C16orf89: variants seen among roughly 807,000 people sequenced by gnomAD.
C16orf89 encodes chromosome 16 open reading frame 89.
C16orf89 carries 57 observed loss-of-function variants against 41.5 expected under a neutral mutation model. That is an observed-to-expected ratio of 1.38 (90% confidence interval 1.11 to 1.71). The LOEUF is 1.71. Ranked by LOEUF, C16orf89 falls within the 40% of genes most tolerant of loss-of-function variation. The pLI, the probability that C16orf89 is intolerant of heterozygous loss-of-function variation, is 0.00. For synonymous variants in C16orf89, 223 were observed against 190.6 expected (o/e 1.17, Z -1.40); for missense variants, 575 against 445.9 (o/e 1.29, Z -2.61).
At chr16:5,043,969 AG>A (rs1956245299), downstream of C16orf89, 1 of 262,616 alleles carries the variant, frequency 3.8e-6, no homozygotes, top group Non-Finnish European at 5.9e-6. Flanking sequence ...CAGTGAGCCT[AG>A]GTGACAGAGC....
Position 5,060,425 on chromosome 16 carries a change from T to C in C16orf89, c.370A>G (p.Thr124Ala). The stretch of plus-strand genomic sequence containing the variant: ...AGCTTCCAAAACCCGGGCTGGAGGG[T>C]CAGCTGGAACTCTGGCAGAGAGGAC... The part of the protein sequence containing the change: ...DPKYLREFQL[T>A]LQPGFWKLPH... Residue 124 changes from threonine to alanine, a missense_variant, in exon 3 of 8, where the codon ACC becomes GCC. Thr to Ala is a moderately conservative substitution (Grantham distance 58, BLOSUM62 0). Transcript: ENST00000472572. 6.2e-7 allele frequency: 1 copy of C among 1,611,954 alleles called. No homozygotes were observed. Among genetic ancestry groups the C allele is most frequent in the Non-Finnish European group, 8.5e-7 (1 of 1,179,148 alleles).
In C16orf89 at chr16:5,056,326, T is replaced by G. The variant is rs551217049; in HGVS notation, c.628-138A>C. The G allele has an allele frequency of 5.0e-5, 37 of 739,006 alleles. No homozygotes were observed. In the East Asian group the frequency reaches 9.9e-4, roughly 20 times the overall value. The allele number at this position is 739,006 out of a possible 1,614,324, so 45.8% of individuals were successfully genotyped here. ...AGGGCTGTGTTTAGGGCAGGTCTTT[T>G]TCTCCTTTTCGCAGGATTTCTTCCC... On this transcript the variant is annotated intron_variant, in intron 4 of 7. Coordinates refer to ENST00000472572, the MANE Select transcript of C16orf89 (RefSeq NM_001098514.3).
At chr16:5,044,530 A>G (rs1956258842) in intron 7 of C16orf89, 52 bp from the exon 8 acceptor site, 1 of 1,607,596 alleles carries the variant, frequency 6.2e-7, no homozygotes, top group Non-Finnish European at 8.5e-7. Context: ...TTGGCCCTTT[A>G]TTCAACACAG....
intron 2 of C16orf89, among the ~76,000 whole-genome samples, chr16:5,062,053 C>T (rs895670044): frequency 3.9e-5 from 6 of 152,178 alleles, no homozygotes; most frequent in Non-Finnish European, 8.8e-5. Context: ...AATTTGGTGA[C>T]ATGGGACACT....
intron 6 of C16orf89, among the ~76,000 whole-genome samples, chr16:5,051,867 A>T (rs1956402816): frequency 6.6e-6 from 1 of 152,148 alleles, no homozygotes; most frequent in African/African-American, 2.4e-5. Flanking sequence ...TGGGAGGTCG[A>T]GGTAGGCAGA....
At position 5,058,526 on chromosome 16, in the gene C16orf89, G is replaced by A. The variant is rs368721132; in HGVS notation, c.594C>T (p.Ser198=). 58 of 1,611,922 alleles carry A rather than the reference G, an allele frequency of 3.6e-5. No individual in the cohort carries two copies. Among genetic ancestry groups the A allele is most frequent in the Non-Finnish European group, 4.7e-5 (55 of 1,179,358 alleles). Residue 198 remains serine, a synonymous_variant, in exon 4 of 8, where the codon TCC becomes TCT. Transcript: ENST00000472572. Reference sequence around the variant, plus strand: ...CCCAGAGGAAGAAGAGCAGTTGGTGGGACAGGCAGTAGCCTGAGCAGCCGG... The same window carrying A: ...CCCAGAGGAAGAAGAGCAGTTGGTGAGACAGGCAGTAGCCTGAGCAGCCGG... ...TKPGCSGYCL[S]HQLLFFLWAR...
At chr16:5,062,663 T>C (rs1186862944) in intron 1 of C16orf89, 89 bp from the exon 2 acceptor site, 2 of 1,372,354 alleles carry the variant, frequency 1.5e-6, no homozygotes, top group African/African-American at 1.5e-5. Flanking sequence ...CCCCAAAGTC[T>C]AATGCTTCCT....
chr16:5,058,631 G>A, intron 3 of C16orf89, 21 bp from the exon 4 acceptor site: 2 of 1,577,512 alleles, frequency 1.3e-6, no homozygotes, highest in Non-Finnish European at 1.7e-6. Flanking sequence ...GTGGTTCCAA[G>A]CTGTTAAGGA....
chr16:5,059,147 GGAGAATCACTT>G (rs1205203129), intron 3 of C16orf89, among the ~76,000 whole-genome samples: 1 of 151,912 alleles, frequency 6.6e-6, no homozygotes, highest in African/African-American at 2.4e-5. Context: ...GGCTGAGGCA[GGAGAATCACTT>G]GAGAATCACT....
rs184660255 is a variant in C16orf89 at position 5,062,542 on chromosome 16, G to A, written c.241C>T (p.Gln81Ter). Reference protein sequence around the residue: ...QLKSVREKWAQEPLLQPLSLR... With the variant: ...QLKSVREKWA ...CTCAGCGGCTGCAGCAGGGGCTCCT[G>A]GGCCCACTTCTCCCGGACACTTTTT... is the stretch of plus-strand genomic sequence containing the variant. The change falls in exon 2 of 8, where the codon CAG becomes TAG. Residue 81 changes from glutamine to a stop codon, truncating the protein, a stop_gained. Coordinates refer to ENST00000472572, the MANE Select transcript of C16orf89 (RefSeq NM_001098514.3). LOFTEE classifies it high-confidence loss of function. The A allele has an allele frequency of 1.0e-4, 167 of 1,613,280 alleles. No homozygotes were observed. The highest frequency in any genetic ancestry group is 7.2e-4 in the Admixed American group (43 of 59,846).
At chr16:5,055,990 TGTGTGTGTGTTG>T in intron 5 of C16orf89, 51 bp downstream of exon 5, 1 of 947,062 alleles carries the variant, frequency 1.1e-6, no homozygotes, top group Non-Finnish European at 1.6e-6. Flanking sequence ...TGTGTGTGTG[TGTGTGTGTGTTG>T]GTGGGGGGAC....
At chr16:5,047,599 C>A (rs538667300) in intron 7 of C16orf89, among the ~76,000 whole-genome samples, 1 of 152,096 alleles carries the variant, frequency 6.6e-6, no homozygotes, top group South Asian at 2.1e-4. Context: ...TCCCGAGTAA[C>A]TGGGACTACA....
chr16:5,058,056 T>A (rs1956545370), intron 4 of C16orf89, among the ~76,000 whole-genome samples: 2 of 152,042 alleles, frequency 1.3e-5, no homozygotes, highest in African/African-American at 2.4e-5. Context: ...CAAGTAGAAA[T>A]CCAAAGCTCT....
At chr16:5,062,729 G>T (rs1353845471) in intron 1 of C16orf89, among the ~76,000 whole-genome samples, 155 bp from the exon 2 acceptor site, 2 of 152,196 alleles carry the variant, frequency 1.3e-5, no homozygotes, top group Non-Finnish European at 2.9e-5. Context: ...TGAGCTGACT[G>T]GAAATGAGGC....
chr16:5,054,050 C>T (rs1343754551), intron 6 of C16orf89, among the ~76,000 whole-genome samples: 8 of 152,302 alleles, frequency 5.3e-5, no homozygotes, highest in South Asian at 2.1e-4. Flanking sequence ...CCCAACCCGC[C>T]GAAGCTATAC....
At chr16:5,046,699 T>G (rs1190437539) in intron 7 of C16orf89, among the ~76,000 whole-genome samples, 2 of 152,182 alleles carry the variant, frequency 1.3e-5, no homozygotes, top group Non-Finnish European at 2.9e-5. Flanking sequence ...CTCTCTTTCT[T>G]CTTGGTTCCT....
intron 4 of C16orf89, among the ~76,000 whole-genome samples, chr16:5,058,218 C>T (rs1956548095): frequency 6.6e-6 from 1 of 151,916 alleles, no homozygotes; most frequent in East Asian, 2.0e-4. Flanking sequence ...CCTCCGCCTC[C>T]CGGGTTCCAG....
intron 7 of C16orf89, among the ~76,000 whole-genome samples, chr16:5,047,157 C>A (rs1005157137): frequency 2.0e-5 from 3 of 152,184 alleles, no homozygotes; most frequent in Admixed American, 6.5e-5. Context: ...TCTGTCTCCC[C>A]CTTGTTCAGC....
intron 1 of C16orf89, 41 bp downstream of exon 1, chr16:5,065,660 A>C: frequency 6.4e-7 from 1 of 1,568,064 alleles, no homozygotes; most frequent in Admixed American, 1.7e-5. Context: ...GCTGAGAGCT[A>C]GCTTCCCAGT....
Sources: allele counts gnomAD v4.1 joint callset (sites outside exome capture counted in the v4.1 genomes callset), GRCh38; gene constraint gnomAD v4.1.1; transcripts MANE v1.5; gene names NCBI Gene and HGNC (gene_info 2026-07-23, HGNC 2026-07-21).